CNTN5: variants seen among roughly 807,000 people sequenced by gnomAD.
CNTN5 encodes contactin 5, also known as contactin-5.
A neutral mutation model predicts 129.1 loss-of-function variants in CNTN5; 77 were observed. That is an observed-to-expected ratio of 0.60 (90% CI 0.50 to 0.72). CNTN5 has a LOEUF of 0.72. Ranked by LOEUF, CNTN5 falls within the 30% of genes least tolerant of loss-of-function variation. CNTN5 has a pLI of 0.00. For synonymous variants in CNTN5, 509 were observed against 465.6 expected (o/e 1.09, Z -1.20); for missense variants, 1,478 against 1,328.8 (o/e 1.11, Z -1.75).
At chr11:99,590,783 T>C (rs904532863) in intron 3 of CNTN5, among the ~76,000 whole-genome samples, 19 of 152,192 alleles carry the variant, frequency 1.2e-4, no homozygotes, top group African/African-American at 4.3e-4. Flanking sequence ...AGAAGGCTAA[T>C]GCCAATCATC....
intron 1 of CNTN5, among the ~76,000 whole-genome samples, chr11:99,208,008 G>A (rs1736876770): frequency 6.6e-6 from 1 of 152,126 alleles, no homozygotes; most frequent in Admixed American, 6.6e-5. Flanking sequence ...TCACAGTTGT[G>A]TTTAATTAGC....
intron 9 of CNTN5, among the ~76,000 whole-genome samples, chr11:100,004,790 A>C (rs942610594): frequency 6.6e-6 from 1 of 152,224 alleles, no homozygotes; most frequent in African/African-American, 2.4e-5. Context: ...GCCAGGGATC[A>C]ACCAATGGGA....
chr11:99,935,069 A>G (rs886306468), intron 7 of CNTN5, among the ~76,000 whole-genome samples: 7 of 150,850 alleles, frequency 4.6e-5, no homozygotes, highest in Non-Finnish European at 8.9e-5. Context: ...ACATAGAAAT[A>G]TATCTTCACA....
intron 2 of CNTN5, among the ~76,000 whole-genome samples, chr11:99,445,312 C>A (rs895773124): frequency 6.6e-6 from 1 of 151,768 alleles, no homozygotes; most frequent in African/African-American, 2.4e-5. Context: ...ACATTGGTGG[C>A]AATAAGTAAG....
At chr11:99,497,514 C>G (rs1040925832) in intron 2 of CNTN5, among the ~76,000 whole-genome samples, 1 of 152,010 alleles carries the variant, frequency 6.6e-6, no homozygotes, top group Admixed American at 6.6e-5. Flanking sequence ...TTCTAGCTCT[C>G]CAAGAAAGGG....
At chr11:99,570,922 A>G (rs2135576518) in intron 3 of CNTN5, among the ~76,000 whole-genome samples, 1 of 152,308 alleles carries the variant, frequency 6.6e-6, no homozygotes, top group East Asian at 1.9e-4. Flanking sequence ...ACAGTATTTC[A>G]GGCAGGCAGG....
intron 1 of CNTN5, among the ~76,000 whole-genome samples, chr11:99,235,988 T>A (rs1331862275): frequency 6.6e-6 from 1 of 152,148 alleles, no homozygotes; most frequent in African/African-American, 2.4e-5. Context: ...TAATAAAAAA[T>A]TGAAACTACT....
chr11:100,091,042 C>T (rs1944761958), intron 13 of CNTN5, among the ~76,000 whole-genome samples: 1 of 152,070 alleles, frequency 6.6e-6, no homozygotes, highest in African/African-American at 2.4e-5. Flanking sequence ...ATTACAACTC[C>T]CTTCTACGAC....
At chr11:100,044,073 G>A (rs1942522991) in intron 9 of CNTN5, among the ~76,000 whole-genome samples, 1 of 136,328 alleles carries the variant, frequency 7.3e-6, no homozygotes, top group Admixed American at 7.4e-5. Flanking sequence ...CCAGTCTCTG[G>A]TGTCTATTAT....
At chr11:99,444,336 A>G (rs1456624730) in intron 2 of CNTN5, among the ~76,000 whole-genome samples, 2 of 152,240 alleles carry the variant, frequency 1.3e-5, no homozygotes, top group Non-Finnish European at 2.9e-5. Context: ...AATGAAGGAA[A>G]GAATAAAGAA....
At chr11:99,883,695 T>C (rs139389945) in intron 6 of CNTN5, among the ~76,000 whole-genome samples, 183 of 152,344 alleles carry the variant, frequency 1.2e-3, no homozygotes, top group African/African-American at 4.1e-3. Flanking sequence ...ACCTGGAGTT[T>C]ATGTATTTAT....
intron 3 of CNTN5, among the ~76,000 whole-genome samples, chr11:99,707,215 C>T (rs1954794289): frequency 6.6e-6 from 1 of 151,382 alleles, no homozygotes; most frequent in South Asian, 2.1e-4. Flanking sequence ...CTTCATCCCT[C>T]ACTGATTTCA....
At chr11:100,309,794 C>G in intron 21 of CNTN5, 1 of 632,280 alleles carries the variant, frequency 1.6e-6, no homozygotes, top group Non-Finnish European at 2.0e-6. Flanking sequence ...AGGAGGGACA[C>G]GTGCCTCCTC....
intron 13 of CNTN5, among the ~76,000 whole-genome samples, chr11:100,160,229 T>C (rs563283698): frequency 3.9e-5 from 6 of 151,976 alleles, no homozygotes; most frequent in Admixed American, 1.3e-4. Context: ...GCATCATCCA[T>C]GTCCCTGCAA....
At chr11:100,276,689 C>T (rs1174575604) in intron 18 of CNTN5, among the ~76,000 whole-genome samples, 3 of 151,890 alleles carry the variant, frequency 2.0e-5, no homozygotes, top group Admixed American at 2.0e-4. Context: ...TGTGGGTATA[C>T]AGTAGGTATA....
At position 100,038,478 on chromosome 11, in the gene CNTN5, T is replaced by A. The variant is rs181032269; in HGVS notation, c.981-22734T>A. 1.8e-4 allele frequency among the ~76,000 whole-genome samples: 28 copies of A among 152,354 alleles called. No individual in the cohort carries two copies. In the East Asian group the frequency reaches 4.6e-3, roughly 25 times the overall value. ...GGGTGGAGAGTTCTGTAAATGTCTGTTAGGTCTGCTTGGTGCAGAGCTGAG... is the reference window on the plus strand; with the variant it reads ...GGGTGGAGAGTTCTGTAAATGTCTGATAGGTCTGCTTGGTGCAGAGCTGAG... On this transcript the variant is annotated intron_variant, in intron 9 of 24. Coordinates refer to ENST00000524871, the MANE Select transcript of CNTN5 (RefSeq NM_014361.4).
intron 3 of CNTN5, among the ~76,000 whole-genome samples, chr11:99,665,041 A>G (rs1177711477): frequency 2.0e-5 from 3 of 152,114 alleles, no homozygotes; most frequent in Admixed American, 6.6e-5. Flanking sequence ...TTATGTTTAG[A>G]AAATAAACCT....
chr11:99,985,088 T>G (rs995233521), intron 8 of CNTN5, among the ~76,000 whole-genome samples: 3 of 151,898 alleles, frequency 2.0e-5, no homozygotes, highest in African/African-American at 7.3e-5. Flanking sequence ...ACCCATAGAG[T>G]GCAGTGTATT....
At chr11:100,082,268 T>C (rs2059016) in intron 13 of CNTN5, among the ~76,000 whole-genome samples, 17,423 of 152,082 alleles carry the variant, frequency 0.11, 1,032 homozygotes, top group Admixed American at 0.13. Context: ...AAAACAGATA[T>C]ATTGTAGAAG....
Sources: gnomAD v4.1 joint callset for allele counts (sites outside exome capture counted in the v4.1 genomes callset) on GRCh38, gnomAD v4.1.1 for gene constraint, MANE v1.5 for transcripts, NCBI Gene and HGNC (gene_info 2026-07-23, HGNC 2026-07-21) for gene names.